Variants in NRCAM observed in about 807,000 individuals in gnomAD.
The protein encoded by NRCAM is NgCAM-related cell adhesion molecule.
NRCAM carries 83 observed loss-of-function variants against 156.5 expected under a neutral mutation model. That is an observed-to-expected ratio of 0.53 (90% CI 0.44 to 0.64). The LOEUF (loss-of-function observed/expected upper bound fraction) is 0.64. Ranked by LOEUF, NRCAM falls within the 30% of genes least tolerant of loss-of-function variation. NRCAM has a pLI of 0.00. For synonymous variants in NRCAM, 538 were observed against 563.9 expected (o/e 0.95, Z 0.65); for missense variants, 1,417 against 1,597.3 (o/e 0.89, Z 1.92).
intron 3 of NRCAM, among the ~76,000 whole-genome samples, chr7:108,246,078 G>C (rs1007793528): frequency 1.3e-5 from 2 of 152,224 alleles, no homozygotes; most frequent in Non-Finnish European, 1.5e-5. Context: ...TGGGATGAGA[G>C]AGCTGATTGG....
chr7:108,409,905 C>T (rs1308982862), intron 1 of NRCAM, among the ~76,000 whole-genome samples: 1 of 152,112 alleles, frequency 6.6e-6, no homozygotes, highest in Non-Finnish European at 1.5e-5. Flanking sequence ...AATTGTTTTG[C>T]ATATTATATC....
At chr7:108,335,487 G>C (rs1420308884) in intron 2 of NRCAM, among the ~76,000 whole-genome samples, 2 of 125,748 alleles carry the variant, frequency 1.6e-5, no homozygotes, top group Non-Finnish European at 3.2e-5. Flanking sequence ...ACAAGTGGCT[G>C]GCTGGCTGGC....
At chr7:108,207,438 G>C in intron 13 of NRCAM, 90 bp downstream of exon 13, 1 of 1,366,108 alleles carries the variant, frequency 7.3e-7, no homozygotes, top group Non-Finnish European at 1.0e-6. Context: ...TCCTTAACCT[G>C]AGTTATTTTT....
At chr7:108,158,947 TACG>T (rs1225592355) in intron 32 of NRCAM, among the ~76,000 whole-genome samples, 1 of 152,214 alleles carries the variant, frequency 6.6e-6, no homozygotes, top group Non-Finnish European at 1.5e-5. Flanking sequence ...CCTAGAGGGC[TACG>T]ACATTTCTTA....
intron 11 of NRCAM, among the ~76,000 whole-genome samples, chr7:108,220,497 C>T (rs1173772738): frequency 5.9e-5 from 9 of 152,062 alleles, no homozygotes; most frequent in East Asian, 1.9e-4. Flanking sequence ...TATAAAAATA[C>T]GCACAAAGAC....
intron 2 of NRCAM, among the ~76,000 whole-genome samples, chr7:108,314,067 T>C (rs2098843917): frequency 6.6e-6 from 1 of 152,210 alleles, no homozygotes; most frequent in African/African-American, 2.4e-5. Context: ...AAAGCACAGA[T>C]ATGTAATTTT....
chr7:108,259,354 T>C (rs200551405), intron 3 of NRCAM, among the ~76,000 whole-genome samples: 6 of 152,162 alleles, frequency 3.9e-5, no homozygotes, highest in Non-Finnish European at 8.8e-5. Flanking sequence ...CAGGTGCTGG[T>C]GAGGCTGTGG....
intron 29 of NRCAM, among the ~76,000 whole-genome samples, chr7:108,167,681 C>A (rs1237326346): frequency 1.3e-5 from 2 of 152,170 alleles, no homozygotes; most frequent in Non-Finnish European, 2.9e-5. Flanking sequence ...AAGCACACTG[C>A]ACTTAGGAGG....
At chr7:108,285,064 A>G (rs1158864814) in intron 3 of NRCAM, among the ~76,000 whole-genome samples, 2 of 152,256 alleles carry the variant, frequency 1.3e-5, no homozygotes, top group African/African-American at 4.8e-5. Flanking sequence ...AGGAGCACCA[A>G]TGCAATTGAT....
At chr7:108,402,677 C>T (rs1327577881) in intron 1 of NRCAM, among the ~76,000 whole-genome samples, 1 of 152,156 alleles carries the variant, frequency 6.6e-6, no homozygotes, top group Non-Finnish European at 1.5e-5. Flanking sequence ...ATTGGAGCCA[C>T]ACCCAGGTTC....
intron 30 of NRCAM, 95 bp from the exon 31 acceptor site, chr7:108,160,587 G>T: frequency 9.5e-7 from 1 of 1,055,004 alleles, no homozygotes; most frequent in Non-Finnish European, 1.3e-6. Flanking sequence ...CGTTATGTGA[G>T]CTTTCATATA....
intron 1 of NRCAM, among the ~76,000 whole-genome samples, chr7:108,415,357 A>G (rs1199235020): frequency 6.6e-6 from 1 of 152,210 alleles, no homozygotes; most frequent in African/African-American, 2.4e-5. Flanking sequence ...AGCCTGAACT[A>G]TAATCAAGCT....
At chr7:108,240,454 G>A (rs533723109) in intron 3 of NRCAM, among the ~76,000 whole-genome samples, 3 of 152,176 alleles carry the variant, frequency 2.0e-5, no homozygotes, top group Admixed American at 6.5e-5. Context: ...AGAGGCTATC[G>A]TGTCTTTCCC....
rs898349506 is a variant in NRCAM, at chr7:108,184,529, G to A, written c.2121C>T (p.Ala707=). The change falls in exon 21 of 33, where the codon GCC becomes GCT. Residue 707 remains alanine (A), a synonymous_variant. Transcript: ENST00000379028. ...QTEVSGTQTT[A]QLKLSPYVNY... ...TCACGTAAGGAGACAGCTTCAGCTG[G>A]GCTGTGGTCTGTGTTCCAGAAACTT... 2.8e-5 allele frequency: 45 copies of A among 1,613,986 alleles called. No individual in the cohort carries two copies. Among genetic ancestry groups the A allele is most frequent in the Non-Finnish European group, 3.8e-5 (45 of 1,180,034 alleles).
chr7:108,431,168 G>C (rs1440293952), intron 1 of NRCAM, among the ~76,000 whole-genome samples: 3 of 152,276 alleles, frequency 2.0e-5, no homozygotes, highest in South Asian at 2.1e-4. Context: ...TGTCAGCAGG[G>C]AAAATGAAGC....
At chr7:108,456,041 A>C (rs1857055610) in intron 1 of NRCAM, among the ~76,000 whole-genome samples, 1 of 151,606 alleles carries the variant, frequency 6.6e-6, no homozygotes, top group Admixed American at 6.6e-5. Context: ...CGCCCGCGGG[A>C]GTGTCGGGGG....
chr7:108,324,614 A>G (rs956955401), intron 2 of NRCAM, among the ~76,000 whole-genome samples: 1 of 152,188 alleles, frequency 6.6e-6, no homozygotes, highest in Non-Finnish European at 1.5e-5. Context: ...GATGAAGGCC[A>G]CATGGAAGCC....
At chr7:108,386,521 GA>G (rs1405064065) in intron 2 of NRCAM, among the ~76,000 whole-genome samples, 1 of 152,120 alleles carries the variant, frequency 6.6e-6, no homozygotes, top group African/African-American at 2.4e-5. Context: ...CACAAGATCT[GA>G]GTCACAAAAG....
chr7:108,329,693 G>A (rs1311957368), intron 2 of NRCAM, among the ~76,000 whole-genome samples: 3 of 152,106 alleles, frequency 2.0e-5, no homozygotes, highest in African/African-American at 7.2e-5. Flanking sequence ...CTTCACAAAA[G>A]CACAATCAAC....
Sources: gnomAD v4.1 joint callset for allele counts (sites outside exome capture counted in the v4.1 genomes callset) on GRCh38, gnomAD v4.1.1 for gene constraint, MANE v1.5 for transcripts, NCBI Gene and HGNC (gene_info 2026-07-23, HGNC 2026-07-21) for gene names.